Variants in FCHSD2 observed in about 807,000 individuals in gnomAD.
FCHSD2 encodes the protein FCH and double SH3 domains 2.
A neutral mutation model predicts 108.1 loss-of-function variants in FCHSD2; 38 were observed. The observed-to-expected ratio is 0.35, with a 90% confidence interval of 0.27 to 0.46. The LOEUF is 0.46. FCHSD2 is among the 20% of genes least tolerant of loss of function. FCHSD2 has a pLI of 1.00. For synonymous variants in FCHSD2, 279 were observed against 314.7 expected, an observed-to-expected ratio of 0.89 and a Z score of 1.20; for missense variants, 751 against 897.8, an observed-to-expected ratio of 0.84 and a Z score of 2.09.
Position 72,837,212 on chromosome 11 carries a change from A to G in FCHSD2, c.*1579T>C, listed in dbSNP as rs986736423. The G allele has an allele frequency of 1.2e-4, 19 of 152,508 alleles. No homozygotes were observed. Among genetic ancestry groups the G allele is most frequent in the African/African-American group, 4.6e-4 (19 of 41,456 alleles). 9.4% of individuals were successfully genotyped at this position (152,508 alleles called of 1,614,324 possible). A position where few individuals can be genotyped will look rare whatever the true frequency, so the allele number is the denominator to read the frequency against. On this transcript the variant is annotated 3_prime_UTR_variant, in exon 20 of 20. Transcript: ENST00000409418. The stretch of plus-strand genomic sequence containing the variant: ...AACACAAAAGACCTCAAATAGATCA[A>G]CAGGTTAAGAAGTGTAAAAAACAAC...
intron 11 of FCHSD2, among the ~76,000 whole-genome samples, chr11:72,888,087 G>A (rs1855236101): frequency 6.6e-6 from 1 of 152,156 alleles, no homozygotes; most frequent in Admixed American, 6.5e-5. Context: ...AAGTGACTGA[G>A]AATGCCTATA....
intron 5 of FCHSD2, 127 bp downstream of exon 5, chr11:73,000,863 T>C: frequency 1.3e-6 from 1 of 745,886 alleles, no homozygotes; most frequent in Non-Finnish European, 2.1e-6. Context: ...CAGAAAATCC[T>C]AGTAAAATGT....
At chr11:73,010,703 T>C (rs1857844210) in intron 4 of FCHSD2, among the ~76,000 whole-genome samples, 1 of 152,202 alleles carries the variant, frequency 6.6e-6, no homozygotes, top group Non-Finnish European at 1.5e-5. Flanking sequence ...GTGCAGTTAT[T>C]AGTGGGGCCT....
chr11:73,120,067 A>G (rs1403670403), intron 2 of FCHSD2, among the ~76,000 whole-genome samples: 1 of 152,098 alleles, frequency 6.6e-6, no homozygotes, highest in Non-Finnish European at 1.5e-5. Flanking sequence ...CCCCTGATAA[A>G]ACCATCAGAT....
chr11:73,049,276 G>GA (rs1858837010), intron 3 of FCHSD2, among the ~76,000 whole-genome samples: 1 of 151,980 alleles, frequency 6.6e-6, no homozygotes, highest in Non-Finnish European at 1.5e-5. Context: ...AAACTTTAAG[G>GA]AAAAAATTAA....
chr11:72,930,165 A>G (rs893990939), intron 8 of FCHSD2, among the ~76,000 whole-genome samples: 3 of 152,172 alleles, frequency 2.0e-5, no homozygotes, highest in African/African-American at 7.2e-5. Context: ...AGGGCATATA[A>G]TGTTGCTCCA....
chr11:72,847,745 C>T (rs978975577), intron 14 of FCHSD2, among the ~76,000 whole-genome samples: 19 of 140,998 alleles, frequency 1.3e-4, no homozygotes, highest in African/African-American at 4.0e-4. Context: ...CAGGCTGGAG[C>T]GCAATGGTGC....
At chr11:73,102,571 T>G (rs756083870) in intron 2 of FCHSD2, among the ~76,000 whole-genome samples, 1 of 152,248 alleles carries the variant, frequency 6.6e-6, no homozygotes, top group Non-Finnish European at 1.5e-5. Context: ...AAAACTCATG[T>G]TGAAGTTTAA....
intron 10 of FCHSD2, among the ~76,000 whole-genome samples, chr11:72,897,318 G>GT (rs1491549324): frequency 2.8e-4 from 25 of 88,106 alleles, no homozygotes; most frequent in Admixed American, 1.5e-3. Context: ...TTTAAAAAGA[G>GT]TAAAAAAAAA....
chr11:73,023,001 A>G (rs1385647033), intron 3 of FCHSD2, among the ~76,000 whole-genome samples: 1 of 152,178 alleles, frequency 6.6e-6, no homozygotes, highest in Non-Finnish European at 1.5e-5. Flanking sequence ...AACAACAACA[A>G]AACAACAAAA....
chr11:72,906,476 T>G (rs559756810), intron 9 of FCHSD2, among the ~76,000 whole-genome samples: 1 of 152,228 alleles, frequency 6.6e-6, no homozygotes. Flanking sequence ...TTGCTTTCGG[T>G]GTTTTAGTCA....
chr11:72,891,009 C>T (rs1390866093), intron 10 of FCHSD2, among the ~76,000 whole-genome samples: 4 of 152,118 alleles, frequency 2.6e-5, no homozygotes, highest in East Asian at 1.9e-4. Flanking sequence ...CCTCAACCTC[C>T]GGGCTCAAGT....
intron 8 of FCHSD2, chr11:72,940,383 T>G: frequency 2.1e-6 from 1 of 467,764 alleles, no homozygotes; most frequent in East Asian, 3.5e-5. Context: ...TTACCAAATA[T>G]TGTTTTAATA....
At chr11:72,896,562 C>T in intron 10 of FCHSD2, among the ~76,000 whole-genome samples, 1 of 151,916 alleles carries the variant, frequency 6.6e-6, no homozygotes, top group East Asian at 1.9e-4. Context: ...TTCAGATGTA[C>T]AAACTGCCAA....
chr11:72,942,068 T>C (rs1192770268), intron 8 of FCHSD2, among the ~76,000 whole-genome samples: 1 of 152,246 alleles, frequency 6.6e-6, no homozygotes, highest in Non-Finnish European at 1.5e-5. Context: ...TGTCGAAATG[T>C]GATCTCCAAT....
At chr11:73,121,360 C>T (rs562166562) in intron 2 of FCHSD2, among the ~76,000 whole-genome samples, 2 of 152,148 alleles carry the variant, frequency 1.3e-5, no homozygotes, top group African/African-American at 4.8e-5. Flanking sequence ...TCCCACTCTA[C>T]ACAGATGAAG....
At chr11:73,047,605 A>G (rs907190399) in intron 3 of FCHSD2, among the ~76,000 whole-genome samples, 11 of 152,280 alleles carry the variant, frequency 7.2e-5, no homozygotes, top group African/African-American at 2.6e-4. Flanking sequence ...AACATAAAAC[A>G]CATCTAAAAA....
intron 5 of FCHSD2, among the ~76,000 whole-genome samples, chr11:72,989,735 G>A (rs954657794): frequency 2.0e-5 from 3 of 152,274 alleles, no homozygotes; most frequent in Non-Finnish European, 2.9e-5. Context: ...ATAACACACC[G>A]GGGCCAAGCA....
intron 2 of FCHSD2, among the ~76,000 whole-genome samples, chr11:73,122,199 A>C (rs1385431818): frequency 1.3e-5 from 2 of 152,194 alleles, no homozygotes; most frequent in Non-Finnish European, 2.9e-5. Flanking sequence ...ATGTAGCTCA[A>C]AGCCAAATCA....
Sources: allele counts gnomAD v4.1 joint callset (sites outside exome capture counted in the v4.1 genomes callset), GRCh38; gene constraint gnomAD v4.1.1; transcripts MANE v1.5; gene names NCBI Gene and HGNC (gene_info 2026-07-23, HGNC 2026-07-21).